The following CUX2 variants were observed in gnomAD, a reference collection of about 807,000 sequenced individuals.
CUX2 encodes cut like homeobox 2.
Under a neutral mutation model 144.8 loss-of-function variants are expected in CUX2, and 40 were observed. The observed-to-expected ratio is 0.28, with a 90% confidence interval of 0.21 to 0.36. The LOEUF (loss-of-function observed/expected upper bound fraction) is 0.36. Among genes scored for constraint, CUX2 ranks in the 10% least tolerant of loss-of-function variants. The pLI, the probability that CUX2 is intolerant of heterozygous loss-of-function variation, is 1.00. For synonymous variants in CUX2, 827 were observed against 875.6 expected (o/e 0.94, Z 0.98); for missense variants, 1,615 against 1,994.0 (o/e 0.81, Z 3.62).
At chr12:111,092,642 G>A (rs533615363) in intron 1 of CUX2, among the ~76,000 whole-genome samples, 23 of 152,116 alleles carry the variant, frequency 1.5e-4, no homozygotes, top group African/African-American at 4.3e-4. Context: ...CTCACATCCA[G>A]CCCTGGTCCT....
intron 1 of CUX2, among the ~76,000 whole-genome samples, chr12:111,064,348 T>C (rs1870935782): frequency 2.6e-5 from 4 of 152,206 alleles, no homozygotes; most frequent in Admixed American, 2.6e-4. Context: ...AGTTTTCTCA[T>C]CTATAAAATG....
intron 4 of CUX2, among the ~76,000 whole-genome samples, chr12:111,288,895 G>A (rs1326892148): frequency 1.3e-5 from 2 of 152,016 alleles, no homozygotes; most frequent in African/African-American, 2.4e-5. Context: ...CTCAGGAGGC[G>A]GAGGTTACAG....
At chr12:111,272,017 CT>C (rs1884666631) in intron 4 of CUX2, among the ~76,000 whole-genome samples, 1 of 152,314 alleles carries the variant, frequency 6.6e-6, no homozygotes, top group African/African-American at 2.4e-5. Context: ...CAAATCTTTG[CT>C]TTGTAGCTTC....
Position 111,304,346 on chromosome 12 carries a change from G to C in CUX2, c.858+32G>C. 2.5e-6 allele frequency: 4 copies of C among 1,568,818 alleles called. No homozygotes were observed. Among genetic ancestry groups the C allele is most frequent in the Non-Finnish European group, 3.5e-6 (4 of 1,142,664 alleles). The stretch of plus-strand genomic sequence containing the variant: ...ATGGGGTTGGGGAAGTGAGCAGGGA[G>C]GGCAGAGGGAAAGATCGGGAATGGC... On this transcript the variant is annotated intron_variant, in intron 10 of 21. Transcript: ENST00000261726. The surrounding 1 kb of genome is among the most constrained non-coding windows in gnomAD (Gnocchi z 4.7).
chr12:111,320,790 G>A lies in CUX2; in HGVS notation c.2766+15G>A, dbSNP rs750371601. On this transcript the variant is annotated intron_variant, in intron 17 of 21. Coordinates refer to ENST00000261726, the MANE Select transcript of CUX2 (RefSeq NM_015267.4). This position sits in a 1 kb window ranked among gnomAD's most constrained non-coding sequence, Gnocchi z 8.1. Reference sequence around the variant, plus strand: ...TCGGGGAGAAGGTGAGTGCAGGGCGGGCCCCCGGTGTCTGGGCTCTGGGAG... The same window carrying A: ...TCGGGGAGAAGGTGAGTGCAGGGCGAGCCCCCGGTGTCTGGGCTCTGGGAG... 2.0e-6 allele frequency: 3 copies of A among 1,492,066 alleles called. No homozygotes were observed. Among genetic ancestry groups the A allele is most frequent in the East Asian group, 5.2e-5 (2 of 38,610 alleles). The allele number at this position is 1,492,066 out of a possible 1,614,324, so 92.4% of individuals were successfully genotyped here. A position where few individuals can be genotyped will look rare whatever the true frequency, so the allele number is the denominator to read the frequency against.
intron 3 of CUX2, among the ~76,000 whole-genome samples, chr12:111,220,049 C>T (rs2136231554): frequency 6.6e-6 from 1 of 151,764 alleles, no homozygotes; most frequent in South Asian, 2.1e-4. Flanking sequence ...GAGTCTGAGG[C>T]AGGAGAATCA....
chr12:111,082,124 C>A (rs1262705913), intron 1 of CUX2, among the ~76,000 whole-genome samples: 1 of 152,158 alleles, frequency 6.6e-6, no homozygotes. Context: ...TTTAAATCAA[C>A]CTTCTACAAA....
intron 20 of CUX2, 89 bp downstream of exon 20, chr12:111,338,563 C>T (rs1310725710): frequency 3.1e-6 from 4 of 1,276,902 alleles, no homozygotes; most frequent in Non-Finnish European, 4.3e-6. Context: ...AAACCCAGGG[C>T]TCCCATGGTC....
chr12:111,046,239 A>G (rs1869989305), intron 1 of CUX2, among the ~76,000 whole-genome samples: 1 of 152,206 alleles, frequency 6.6e-6, no homozygotes, highest in Non-Finnish European at 1.5e-5. Context: ...AGGGCTTAGC[A>G]AGGCTGGGCC....
At chr12:111,324,194 C>T (rs1348465056) in intron 18 of CUX2, among the ~76,000 whole-genome samples, 2 of 151,720 alleles carry the variant, frequency 1.3e-5, no homozygotes, top group African/African-American at 2.4e-5. Flanking sequence ...ACTAAAAATA[C>T]AAAAAATTAG....
chr12:111,322,720 G>A lies in CUX2; in HGVS notation c.2926+140G>A. 8.9e-7 allele frequency: 1 copy of A among 1,119,310 alleles called. No individual in the cohort carries two copies. The highest frequency in any genetic ancestry group is 1.3e-6 in the Non-Finnish European group (1 of 789,964). The allele number at this position is 1,119,310 out of a possible 1,614,324, so 69.3% of individuals were successfully genotyped here. On this transcript the variant is annotated intron_variant, in intron 18 of 21. Transcript: ENST00000261726. The surrounding 1 kb of genome is among the most constrained non-coding windows in gnomAD (Gnocchi z 4.2). ...GGCTTTCATCCCAGTCACTGTCATG[G>A]CTGCACTGGAACATGGCGGGGGGTC...
intron 1 of CUX2, among the ~76,000 whole-genome samples, chr12:111,189,922 C>G (rs1310152653): frequency 6.6e-6 from 1 of 152,252 alleles, no homozygotes; most frequent in East Asian, 1.9e-4. Context: ...AAGTAGTTTT[C>G]CCAGATACTG....
At chr12:111,119,347 T>C (rs1874489683) in intron 1 of CUX2, among the ~76,000 whole-genome samples, 1 of 152,134 alleles carries the variant, frequency 6.6e-6, no homozygotes, top group African/African-American at 2.4e-5. Flanking sequence ...TCATTACCTG[T>C]AATCCCAACA....
At chr12:111,044,302 C>T (rs1869895095) in intron 1 of CUX2, among the ~76,000 whole-genome samples, 1 of 152,120 alleles carries the variant, frequency 6.6e-6, no homozygotes, top group Non-Finnish European at 1.5e-5. Context: ...CTGTCACTCC[C>T]AGCACTGTCT....
At chr12:111,151,604 A>ACCTACTGAATGCG (rs1403026566) in intron 1 of CUX2, among the ~76,000 whole-genome samples, 9 of 152,198 alleles carry the variant, frequency 5.9e-5, no homozygotes, top group Non-Finnish European at 1.3e-4. Flanking sequence ...CAGACGGCAG[A>ACCTACTGAATGCG]GGAAGACGAC....
At chr12:111,319,502 G>T (rs957599820) in intron 16 of CUX2, among the ~76,000 whole-genome samples, 1 of 151,950 alleles carries the variant, frequency 6.6e-6, no homozygotes, top group African/African-American at 2.4e-5. Flanking sequence ...ACTTTGGGAG[G>T]CTGAGGTGTA....
intron 4 of CUX2, among the ~76,000 whole-genome samples, chr12:111,274,219 C>T (rs1396098096): frequency 6.6e-6 from 1 of 152,120 alleles, no homozygotes; most frequent in Non-Finnish European, 1.5e-5. Context: ...CATGAGCTAC[C>T]GCGCCTGGTG....
At chr12:111,143,554 C>T (rs1160038593) in intron 1 of CUX2, among the ~76,000 whole-genome samples, 1 of 152,188 alleles carries the variant, frequency 6.6e-6, no homozygotes, top group Non-Finnish European at 1.5e-5. Flanking sequence ...TGTAATTGTT[C>T]TGGCAAATGT....
At chr12:111,330,712 T>TATACATATAC (rs1565926139) in intron 18 of CUX2, among the ~76,000 whole-genome samples, 1 of 27,252 alleles carries the variant, frequency 3.7e-5, no homozygotes, top group East Asian at 8.8e-4. Flanking sequence ...TATATATATA[T>TATACATATAC]ATATATATAT....
Sources: allele counts gnomAD v4.1 joint callset (sites outside exome capture counted in the v4.1 genomes callset), GRCh38; gene constraint gnomAD v4.1.1; non-coding constraint Gnocchi (gnomAD v3.1); transcripts MANE v1.5; gene names NCBI Gene and HGNC (gene_info 2026-07-23, HGNC 2026-07-21).